Variants in ZPBP observed in about 807,000 individuals in gnomAD.
ZPBP encodes zona pellucida-binding protein 1.
ZPBP carries 26 observed loss-of-function variants against 44.8 expected under a neutral mutation model. The observed-to-expected ratio is 0.58, with a 90% CI of 0.43 to 0.81. The LOEUF (loss-of-function observed/expected upper bound fraction) is 0.81, where lower values mean the gene tolerates loss of function less well. Among genes scored for constraint, ZPBP ranks in the 30% least tolerant of loss-of-function variants. ZPBP has a pLI of 0.00. For synonymous variants in ZPBP, 174 were observed against 153.2 expected, an observed-to-expected ratio of 1.14 and a Z score of -1.00; for missense variants, 409 against 434.0, an observed-to-expected ratio of 0.94 and a Z score of 0.51.
chr7:50,082,901 C>A (rs544536598), intron 2 of ZPBP, among the ~76,000 whole-genome samples: 1 of 151,690 alleles, frequency 6.6e-6, no homozygotes, highest in East Asian at 1.9e-4. Flanking sequence ...TAAATGCTTA[C>A]CCCATAAATT....
intron 6 of ZPBP, among the ~76,000 whole-genome samples, chr7:50,016,727 G>A (rs1798837767): frequency 6.6e-6 from 1 of 152,056 alleles, no homozygotes; most frequent in African/African-American, 2.4e-5. Context: ...GTCTGTGACT[G>A]TTTAAGACTG....
rs1184869189 is a variant in ZPBP at position 50,011,235 on chromosome 7, A to T, written c.783+7005T>A. Among the ~76,000 whole-genome samples, 12 of 152,324 alleles carry T rather than the reference A, an allele frequency of 7.9e-5. No homozygotes were observed. In the East Asian group the frequency reaches 2.3e-3, roughly 29 times the overall value. ...AACTCAATATGGATCAAAAACTTAC[A>T]TCTAAGACCTGAAACGATAAAAATT... is the stretch of plus-strand genomic sequence containing the variant. On this transcript the variant is annotated intron_variant, in intron 6 of 7. Coordinates refer to ENST00000046087, the MANE Select transcript of ZPBP (RefSeq NM_007009.3).
downstream of ZPBP, among the ~76,000 whole-genome samples, chr7:49,847,928 T>G (rs1790012622): frequency 1.3e-5 from 2 of 152,144 alleles, no homozygotes; most frequent in Non-Finnish European, 2.9e-5. Context: ...TCTCCTGGAA[T>G]GGGTTAGCAC....
chr7:50,085,616 C>T (rs899084548), intron 2 of ZPBP, among the ~76,000 whole-genome samples: 1 of 152,048 alleles, frequency 6.6e-6, no homozygotes, highest in African/African-American at 2.4e-5. Context: ...TGGAAGACCT[C>T]GTATTAAAGG....
intron 2 of ZPBP, among the ~76,000 whole-genome samples, chr7:49,898,129 G>A (rs6964101): frequency 0.77 from 116,284 of 151,958 alleles, 44,665 homozygotes; most frequent in East Asian, 0.89. Context: ...GTGTGTGTGT[G>A]TATGTATGTG....
intron 2 of ZPBP, among the ~76,000 whole-genome samples, chr7:49,856,296 A>T (rs1203095684): frequency 1.3e-5 from 2 of 152,120 alleles, no homozygotes; most frequent in African/African-American, 4.8e-5. Context: ...TCAATCTATT[A>T]TCTCAAGTGA....
At chr7:49,906,222 T>C (rs1304534098) in intron 1 of ZPBP, among the ~76,000 whole-genome samples, 4 of 152,172 alleles carry the variant, frequency 2.6e-5, no homozygotes, top group East Asian at 3.8e-4. Flanking sequence ...TCACTTGGGG[T>C]GTGGATCAGG....
chr7:50,068,665 C>T (rs1162058799), intron 3 of ZPBP, among the ~76,000 whole-genome samples: 1 of 152,164 alleles, frequency 6.6e-6, no homozygotes, highest in Non-Finnish European at 1.5e-5. Flanking sequence ...GATCAGCCTT[C>T]TGATCTCGGT....
At chr7:49,912,212 T>C in intron 1 of ZPBP, 1 of 1,612,360 alleles carries the variant, frequency 6.2e-7, no homozygotes, top group Non-Finnish European at 8.5e-7. Context: ...AAACTCTGAC[T>C]TTTTCTAGAA....
At chr7:49,916,147 G>C (rs1400941542) in intron 1 of ZPBP, 1 of 152,168 alleles carries the variant, frequency 6.6e-6, no homozygotes, top group East Asian at 1.9e-4. Flanking sequence ...AACTTCTTCA[G>C]TCTATTATTT....
At chr7:49,857,623 G>A (rs534952009) in intron 2 of ZPBP, among the ~76,000 whole-genome samples, 44 of 151,914 alleles carry the variant, frequency 2.9e-4, no homozygotes, top group Admixed American at 1.1e-3. Context: ...CTGTCAAAAT[G>A]GCTATTAACA....
intron 5 of ZPBP, among the ~76,000 whole-genome samples, chr7:50,026,814 T>C (rs1436118565): frequency 6.6e-6 from 1 of 151,936 alleles, no homozygotes; most frequent in Non-Finnish European, 1.5e-5. Flanking sequence ...TTCCTAACTC[T>C]GATTTACAAC....
chr7:50,066,542 C>T (rs957230079), intron 3 of ZPBP, among the ~76,000 whole-genome samples: 4 of 152,132 alleles, frequency 2.6e-5, no homozygotes, highest in African/African-American at 7.2e-5. Context: ...AAAACATTAG[C>T]GTAGGTAATA....
intron 2 of ZPBP, among the ~76,000 whole-genome samples, chr7:49,895,876 A>G (rs1792363561): frequency 6.6e-6 from 1 of 152,206 alleles, no homozygotes; most frequent in Admixed American, 6.5e-5. Context: ...GGTTACTTGC[A>G]TTGAGTAATT....
intron 5 of ZPBP, among the ~76,000 whole-genome samples, chr7:50,021,130 C>T (rs1028892125): frequency 6.6e-6 from 1 of 151,722 alleles, no homozygotes. Context: ...TATAAAGAAA[C>T]AAGAATGTAT....
At chr7:49,975,890 A>G (rs1027381448) in intron 7 of ZPBP, among the ~76,000 whole-genome samples, 32 of 152,140 alleles carry the variant, frequency 2.1e-4, no homozygotes, top group African/African-American at 7.5e-4. Flanking sequence ...TTTTGTTCCA[A>G]TTGTACTTTT....
chr7:50,005,845 G>A (rs1798286077), intron 6 of ZPBP, among the ~76,000 whole-genome samples: 1 of 150,912 alleles, frequency 6.6e-6, no homozygotes. Flanking sequence ...GTGTGTGTGT[G>A]TGTGTGTGTG....
chr7:49,934,964 A>G (rs546404873), downstream of ZPBP, among the ~76,000 whole-genome samples: 1 of 152,186 alleles, frequency 6.6e-6, no homozygotes, highest in Admixed American at 6.5e-5. Flanking sequence ...AGCATTATAT[A>G]AAAGGTATTA....
intron 6 of ZPBP, among the ~76,000 whole-genome samples, chr7:49,984,411 A>G (rs186632318): frequency 1.2e-3 from 176 of 152,356 alleles, no homozygotes; most frequent in African/African-American, 4.0e-3. Context: ...TTTTCAGGTT[A>G]TCTATATAAG....
Sources: gnomAD v4.1 joint callset for allele counts (sites outside exome capture counted in the v4.1 genomes callset) on GRCh38, gnomAD v4.1.1 for gene constraint, MANE v1.5 for transcripts, NCBI Gene and HGNC (gene_info 2026-07-23, HGNC 2026-07-21) for gene names.